RASA3: variants seen among roughly 807,000 people sequenced by gnomAD.
RASA3 encodes the protein ras GTPase-activating protein 3.
A neutral mutation model predicts 110.0 loss-of-function variants in RASA3; 73 were observed. That is an observed-to-expected ratio of 0.66 (90% CI 0.55 to 0.81). The LOEUF is 0.81. RASA3 is among the 30% of genes least tolerant of loss of function. The pLI, the probability that RASA3 is intolerant of heterozygous loss-of-function variation, is 0.00. For synonymous variants in RASA3, 500 were observed against 451.4 expected (o/e 1.11, Z -1.37); for missense variants, 976 against 1,113.2 (o/e 0.88, Z 1.75).
chr13:114,051,134 T>G (rs908617966), intron 3 of RASA3, among the ~76,000 whole-genome samples: 30 of 152,272 alleles, frequency 2.0e-4, no homozygotes, highest in Admixed American at 9.8e-4. Context: ...TCAGGCTGCC[T>G]GGGGCCAAGC....
intron 8 of RASA3, among the ~76,000 whole-genome samples, chr13:114,023,086 C>T (rs2053959164): frequency 6.6e-6 from 1 of 152,252 alleles, no homozygotes; most frequent in African/African-American, 2.4e-5. Context: ...GCCGTAGGGC[C>T]TGAGCCACGC....
At chr13:114,105,573 T>C (rs1397920911) in intron 1 of RASA3, among the ~76,000 whole-genome samples, 11 of 152,314 alleles carry the variant, frequency 7.2e-5, no homozygotes, top group Admixed American at 5.2e-4. Context: ...ACCTGCCTCC[T>C]GCCTGACAAG....
chr13:114,072,503 G>C (rs932969454), intron 2 of RASA3, among the ~76,000 whole-genome samples: 1 of 152,172 alleles, frequency 6.6e-6, no homozygotes, highest in Non-Finnish European at 1.5e-5. Flanking sequence ...AATTTTACAG[G>C]AAGAGAAAAG....
At chr13:114,103,252 C>T (rs1028749316) in intron 1 of RASA3, among the ~76,000 whole-genome samples, 22 of 152,230 alleles carry the variant, frequency 1.4e-4, no homozygotes, top group African/African-American at 3.9e-4. Context: ...TGGCCCAAGT[C>T]GGGAGAGATG....
At position 114,027,358 on chromosome 13, in the gene RASA3, C is replaced by T. The variant is rs201566040; in HGVS notation, c.603+31G>A. On this transcript the variant is annotated intron_variant, in intron 7 of 23. Coordinates refer to ENST00000334062, the MANE Select transcript of RASA3 (RefSeq NM_007368.4). ...CCAACGTGTCTCGGGTGCAGAGTTT[C>T]CACTTAACGTTGACCCATGAAGATA... is the stretch of plus-strand genomic sequence containing the variant. 309 of 1,535,040 alleles carry T rather than the reference C, an allele frequency of 2.0e-4. 1 individual carries two copies. The East Asian group carries it at 3.7e-3, about 18-fold the overall frequency.
Position 114,078,093 on chromosome 13 carries a change from C to G in RASA3, c.56-4256G>C, listed in dbSNP as rs1228643867. ...ACCAACATCCAATGAGCTGCTCAGA[C>G]CAGGAGGGCTGGGGCTGCTGCAGCA... On this transcript the variant is annotated intron_variant, in intron 1 of 23. Transcript: ENST00000334062. 6 of 800,280 alleles carry G rather than the reference C, an allele frequency of 7.5e-6. No individual in the cohort carries two copies. The African/African-American group carries it at 1.1e-4, about 15-fold the overall frequency. 49.6% of individuals were successfully genotyped at this position (800,280 alleles called of 1,614,324 possible).
intron 4 of RASA3, among the ~76,000 whole-genome samples, chr13:114,030,305 C>G (rs1413941875): frequency 2.0e-5 from 3 of 152,164 alleles, no homozygotes; most frequent in Non-Finnish European, 2.9e-5. Flanking sequence ...TTTACCTCCC[C>G]TCGGGCGAGG....
At chr13:114,034,127 G>A (rs904018240) in intron 4 of RASA3, among the ~76,000 whole-genome samples, 3 of 152,076 alleles carry the variant, frequency 2.0e-5, no homozygotes, top group Admixed American at 1.3e-4. Context: ...GGCTAAAGGA[G>A]TGCCCTGAAC....
chr13:114,047,498 T>G (rs2079072323), intron 3 of RASA3, among the ~76,000 whole-genome samples: 1 of 152,226 alleles, frequency 6.6e-6, no homozygotes. Context: ...TGGGTAGTTT[T>G]AATGAAAGTA....
At chr13:114,080,974 C>A (rs1162934623) in intron 1 of RASA3, among the ~76,000 whole-genome samples, 1 of 140,480 alleles carries the variant, frequency 7.1e-6, no homozygotes, top group African/African-American at 2.7e-5. Context: ...ACCTAGAACA[C>A]CAAGAGTGCC....
chr13:114,082,501 C>T (rs757542946), intron 1 of RASA3, among the ~76,000 whole-genome samples: 16 of 152,322 alleles, frequency 1.1e-4, no homozygotes, highest in East Asian at 1.9e-4. Context: ...TCCGAGGCTC[C>T]GAGGCTGCTC....
rs1001836340 is a variant in RASA3, at chr13:114,024,266, C to T, written c.680+13G>A. Reference sequence around the variant, plus strand: ...AACTGCCAAGTTGGGGACGCGGAGCCTGGTTTTCTCACCTGATTTCGAGCT... The same window carrying T: ...AACTGCCAAGTTGGGGACGCGGAGCTTGGTTTTCTCACCTGATTTCGAGCT... On this transcript the variant is annotated intron_variant, in intron 8 of 23. Transcript: ENST00000334062. 28 of 1,613,540 alleles carry T rather than the reference C, an allele frequency of 1.7e-5. No homozygotes were observed. The highest frequency in any genetic ancestry group is 5.3e-5 in the African/African-American group (4 of 75,042).
intron 4 of RASA3, among the ~76,000 whole-genome samples, chr13:114,031,240 CACACGGCTGTGTGT>C (rs1270708280): frequency 1.4e-5 from 2 of 146,204 alleles, no homozygotes; most frequent in African/African-American, 5.1e-5. Flanking sequence ...CGTCTGTGTG[CACACGGCTGTGTGT>C]CTGCCTGTGT....
chr13:114,077,552 T>C (rs1473225467), intron 1 of RASA3, among the ~76,000 whole-genome samples: 2 of 109,856 alleles, frequency 1.8e-5, no homozygotes, highest in Non-Finnish European at 1.8e-5. Context: ...TGCCCGACGA[T>C]GCCCAGTCCC....
rs188598762 is a variant in RASA3 at position 113,992,535 on chromosome 13, C to T, written c.2195G>A (p.Arg732His). 3.0e-5 allele frequency: 48 copies of T among 1,613,634 alleles called. No individual in the cohort carries two copies. The highest frequency in any genetic ancestry group is 1.7e-4 in the Middle Eastern group (1 of 6,060). The change falls in exon 22 of 24, where the codon CGT becomes CAT. Residue 732 changes from arginine to histidine, a missense_variant. Physicochemically the swap from Arg to His is conservative, Grantham distance 29. Around this residue, in one of 4 missense-constraint regions of RASA3, gnomAD observed 132 missense variants for 152.8 expected, o/e 0.86. Coordinates refer to ENST00000334062, the MANE Select transcript of RASA3 (RefSeq NM_007368.4). ...LDIDGDRETERIYSLFNLYMS... is the reference protein window; with the variant it reads ...LDIDGDRETEHIYSLFNLYMS... ...GTACAAGTTGAAGAGGGAGTAGATA[C>T]GCTCCGTCTCACGGTCCCCATCAAT...
chr13:114,009,280 T>G, intron 17 of RASA3, 107 bp downstream of exon 17: 1 of 926,784 alleles, frequency 1.1e-6, no homozygotes, highest in Non-Finnish European at 1.7e-6. Flanking sequence ...TTGTTTAAAA[T>G]CGCTAATGGC....
At position 114,042,058 on chromosome 13, in the gene RASA3, G is replaced by A. The variant is rs138954754; in HGVS notation, c.278-964C>T. ...TGAAAATACGTATCAGAATATATTT[G>A]TACAATATACGTTTACCTAGTATGG... On this transcript the variant is annotated intron_variant, in intron 3 of 23. Coordinates refer to ENST00000334062, the MANE Select transcript of RASA3 (RefSeq NM_007368.4). Among the ~76,000 whole-genome samples the A allele has an allele frequency of 5.3e-5, 8 of 152,366 alleles. No individual in the cohort carries two copies. In the East Asian group the frequency reaches 1.3e-3, roughly 26 times the overall value.
At chr13:114,015,404 C>G (rs952346736) in intron 13 of RASA3, 72 bp from the exon 14 acceptor site, 3 of 1,582,078 alleles carry the variant, frequency 1.9e-6, no homozygotes, top group Non-Finnish European at 1.7e-6. Context: ...AGGGCACGCC[C>G]AGGGAGGGGC....
At chr13:114,130,536 C>A (rs761190557) in intron 1 of RASA3, among the ~76,000 whole-genome samples, 28 of 152,236 alleles carry the variant, frequency 1.8e-4, no homozygotes, top group Admixed American at 2.6e-4. Flanking sequence ...GGTGCCTGAC[C>A]CCCACGCCTG....
Sources: gnomAD v4.1 joint callset for allele counts (sites outside exome capture counted in the v4.1 genomes callset) on GRCh38, gnomAD v4.1.1 for gene constraint, gnomAD v4.1.1 regional missense constraint, MANE v1.5 for transcripts, NCBI Gene and HGNC (gene_info 2026-07-23, HGNC 2026-07-21) for gene names.